Variants in GNAL observed in about 807,000 individuals in gnomAD.
GNAL encodes G protein subunit alpha L, also known as guanine nucleotide-binding protein G(olf) subunit alpha.
GNAL carries 18 observed loss-of-function variants against 55.1 expected under a neutral mutation model. That is an observed-to-expected ratio of 0.33 (90% CI 0.23 to 0.48). The LOEUF is 0.48. Among genes scored for constraint, GNAL ranks in the 20% least tolerant of loss-of-function variants. GNAL has a pLI of 0.99. For synonymous variants in GNAL, 253 were observed against 237.0 expected, an observed-to-expected ratio of 1.07 and a Z score of -0.62; for missense variants, 412 against 614.1, an observed-to-expected ratio of 0.67 and a Z score of 3.48.
At chr18:11,764,503 G>A (rs2033344617) in intron 4 of GNAL, among the ~76,000 whole-genome samples, 1 of 152,174 alleles carries the variant, frequency 6.6e-6, no homozygotes, top group African/African-American at 2.4e-5. Flanking sequence ...TCAATCTTTT[G>A]ACTTTCTAAA....
At chr18:11,783,057 C>T (rs996421647) in intron 4 of GNAL, among the ~76,000 whole-genome samples, 2 of 152,170 alleles carry the variant, frequency 1.3e-5, no homozygotes, top group Non-Finnish European at 2.9e-5. Context: ...GTAACTAACT[C>T]TGTCATTCTG....
intron 1 of GNAL, among the ~76,000 whole-genome samples, chr18:11,728,462 C>T (rs1309345026): frequency 2.0e-5 from 3 of 152,160 alleles, no homozygotes; most frequent in Non-Finnish European, 4.4e-5. Context: ...TGCATTTTTA[C>T]ACTTGCTTCC....
chr18:11,759,724 G>A (rs1281175488), intron 4 of GNAL, among the ~76,000 whole-genome samples: 1 of 152,254 alleles, frequency 6.6e-6, no homozygotes, highest in African/African-American at 2.4e-5. Context: ...AGCCCAGGGA[G>A]TGCCATGCAG....
At chr18:11,711,136 A>G (rs1030307942) in intron 1 of GNAL, among the ~76,000 whole-genome samples, 4 of 152,110 alleles carry the variant, frequency 2.6e-5, no homozygotes, top group Non-Finnish European at 5.9e-5. Flanking sequence ...CAGCCTCCCA[A>G]AGTGCTGGGA....
chr18:11,768,985 T>TTA (rs1441975706), intron 4 of GNAL, among the ~76,000 whole-genome samples: 60 of 93,958 alleles, frequency 6.4e-4, no homozygotes, highest in African/African-American at 4.9e-3. Context: ...ATATTATATA[T>TTA]TCTATATTAT....
At chr18:11,877,322 GCAT>G (rs1165217255) in intron 11 of GNAL, among the ~76,000 whole-genome samples, 1 of 152,108 alleles carries the variant, frequency 6.6e-6, no homozygotes, top group African/African-American at 2.4e-5. Flanking sequence ...GGGTGTGGTG[GCAT>G]GCGCCTGTAA....
intron 4 of GNAL, among the ~76,000 whole-genome samples, chr18:11,817,746 A>C (rs75050312): frequency 6.7e-6 from 1 of 150,110 alleles, no homozygotes; most frequent in African/African-American, 2.5e-5. Flanking sequence ...GTGCCACAAC[A>C]CCGGGCTAAT....
chr18:11,775,380 C>A (rs781737841), intron 4 of GNAL, among the ~76,000 whole-genome samples: 6 of 152,196 alleles, frequency 3.9e-5, no homozygotes, highest in Non-Finnish European at 7.3e-5. Flanking sequence ...GTACTTACTC[C>A]TCTGAGATTT....
intron 1 of GNAL, among the ~76,000 whole-genome samples, chr18:11,696,721 G>C (rs2031425531): frequency 2.0e-5 from 3 of 152,146 alleles, no homozygotes; most frequent in African/African-American, 7.2e-5. Context: ...AAGACCAGAA[G>C]TTCAGAACAC....
intron 2 of GNAL, among the ~76,000 whole-genome samples, chr18:11,753,176 A>G (rs1413746275): frequency 6.6e-6 from 1 of 152,064 alleles, no homozygotes; most frequent in Non-Finnish European, 1.5e-5. Context: ...GATCTGTATT[A>G]CTGGTATTGC....
Position 11,751,003 on chromosome 18 carries a change from C to G in GNAL, c.377-1850C>G, listed in dbSNP as rs1269188776. On this transcript the variant is annotated intron_variant, in intron 1 of 11. Transcript: ENST00000334049. The surrounding 1 kb of genome is among the most constrained non-coding windows in gnomAD (Gnocchi z 4.5). ...GCGCCGCCTGGGGAGCCGGGGCGGGCTGGGGTCTGTTCTCCTGAAGAAGGC... is the reference window on the plus strand; with the variant it reads ...GCGCCGCCTGGGGAGCCGGGGCGGGGTGGGGTCTGTTCTCCTGAAGAAGGC... 6.6e-6 allele frequency among the ~76,000 whole-genome samples: 1 copy of G among 152,044 alleles called. No homozygotes were observed. The highest frequency in any genetic ancestry group is 2.1e-4 in the South Asian group (1 of 4,830).
intron 4 of GNAL, among the ~76,000 whole-genome samples, chr18:11,801,996 T>A (rs571870399): frequency 3.3e-5 from 5 of 152,176 alleles, no homozygotes; most frequent in Non-Finnish European, 5.9e-5. Context: ...CAAAAATCAC[T>A]GCAATACATA....
At chr18:11,807,487 G>T (rs2034695755) in intron 4 of GNAL, among the ~76,000 whole-genome samples, 1 of 152,240 alleles carries the variant, frequency 6.6e-6, no homozygotes, top group Non-Finnish European at 1.5e-5. Context: ...AAAGATCACA[G>T]GGATGTCTCC....
chr18:11,723,980 G>A (rs543994516), intron 1 of GNAL, among the ~76,000 whole-genome samples: 50 of 152,384 alleles, frequency 3.3e-4, no homozygotes, highest in African/African-American at 1.1e-3. Flanking sequence ...CCCTCTAGGA[G>A]AGAGTGGAAA....
intron 1 of GNAL, among the ~76,000 whole-genome samples, chr18:11,696,950 T>G (rs1414110143): frequency 6.6e-6 from 1 of 152,204 alleles, no homozygotes; most frequent in African/African-American, 2.4e-5. Flanking sequence ...TCCGAGGCCC[T>G]TAGCACCGCC....
At chr18:11,693,395 G>A (rs1287078440) in intron 1 of GNAL, among the ~76,000 whole-genome samples, 6 of 152,158 alleles carry the variant, frequency 3.9e-5, no homozygotes, top group Non-Finnish European at 7.4e-5. Context: ...TTCAGGGGGA[G>A]TGTATTGTAT....
chr18:11,755,374 C>T (rs1376940836), intron 4 of GNAL, among the ~76,000 whole-genome samples: 2 of 152,072 alleles, frequency 1.3e-5, no homozygotes, highest in African/African-American at 2.4e-5. Flanking sequence ...CCCGGGTTCA[C>T]GCCATTCTCC....
Position 11,775,997 on chromosome 18 carries a change from G to C in GNAL, c.624+22052G>C, listed in dbSNP as rs116191360. On this transcript the variant is annotated intron_variant, in intron 4 of 11. Transcript: ENST00000334049. ...CTAGCGTTTAACTGTCATAGTTCAA[G>C]CCTAGAGAAAAGGTGTCTCCGGATG... Among the ~76,000 whole-genome samples the C allele has an allele frequency of 5.0e-3, 762 of 152,338 alleles. 4 individuals carry two copies. Among genetic ancestry groups the C allele is most frequent in the African/African-American group, 0.017 (713 of 41,578 alleles).
chr18:11,744,766 A>G (rs1163217625), intron 1 of GNAL, among the ~76,000 whole-genome samples: 2 of 152,250 alleles, frequency 1.3e-5, no homozygotes, highest in Non-Finnish European at 2.9e-5. Context: ...GCTGGAGTGC[A>G]CTGATGCAAA....
Sources: gnomAD v4.1 joint callset for allele counts (sites outside exome capture counted in the v4.1 genomes callset) on GRCh38, gnomAD v4.1.1 for gene constraint, Gnocchi (gnomAD v3.1) non-coding constraint, MANE v1.5 for transcripts, NCBI Gene and HGNC (gene_info 2026-07-23, HGNC 2026-07-21) for gene names.